The following GCH1 variants were observed in gnomAD, a reference collection of about 807,000 sequenced individuals.
GCH1 encodes GTP cyclohydrolase 1.
A neutral mutation model predicts 25.9 loss-of-function variants in GCH1; 5 were observed. The observed-to-expected ratio is 0.19, with a 90% CI of 0.10 to 0.41. The LOEUF (loss-of-function observed/expected upper bound fraction) is 0.41, where lower values mean the gene tolerates loss of function less well. GCH1 is among the 10% of genes least tolerant of loss of function. GCH1 has a pLI of 1.00. For missense variants in GCH1, 261 were observed against 336.5 expected, an observed-to-expected ratio of 0.78 and a Z score of 1.75; for synonymous variants, 159 against 129.6, an observed-to-expected ratio of 1.23 and a Z score of -1.54.
chr14:54,850,334 CAG>C (rs2039709217), intron 3 of GCH1, among the ~76,000 whole-genome samples: 2 of 133,840 alleles, frequency 1.5e-5, no homozygotes, highest in East Asian at 2.2e-4. Flanking sequence ...TCCCCCGAGA[CAG>C]AGTCTCCCTC....
Position 54,843,047 on chromosome 14 carries a change from C to G in GCH1, c.*970G>C, listed in dbSNP as rs1566658077. ...GTTCAGGTGCGTGGAAGCTATGGTTCTGCAGACCTGAAAATGATGGGCACT... is the reference window on the plus strand; with the variant it reads ...GTTCAGGTGCGTGGAAGCTATGGTTGTGCAGACCTGAAAATGATGGGCACT... On this transcript the variant is annotated 3_prime_UTR_variant, in exon 6 of 6. Transcript: ENST00000491895. The G allele has an allele frequency of 2.0e-6, 2 of 997,770 alleles. No homozygotes were observed. Among genetic ancestry groups the G allele is most frequent in the Non-Finnish European group, 3.2e-6 (2 of 618,516 alleles). 61.8% of individuals were successfully genotyped at this position (997,770 alleles called of 1,614,324 possible). A position where few individuals can be genotyped will look rare whatever the true frequency, so the allele number is the denominator to read the frequency against.
intron 1 of GCH1, among the ~76,000 whole-genome samples, chr14:54,875,895 A>G (rs373110869): frequency 2.0e-5 from 3 of 152,322 alleles, no homozygotes; most frequent in East Asian, 1.9e-4. Flanking sequence ...TTACACTGTT[A>G]GTGGGACTGT....
chr14:54,872,072 A>C (rs2040087484), intron 1 of GCH1, among the ~76,000 whole-genome samples: 1 of 152,192 alleles, frequency 6.6e-6, no homozygotes, highest in Non-Finnish European at 1.5e-5. Context: ...GAAATGAAGG[A>C]AAAAATGTTA....
At chr14:54,846,142 A>T (rs1566659894) in intron 4 of GCH1, among the ~76,000 whole-genome samples, 1 of 152,228 alleles carries the variant, frequency 6.6e-6, no homozygotes, top group Non-Finnish European at 1.5e-5. Flanking sequence ...CTGTGCAGTT[A>T]GAACAACACA....
rs1301478377 is a variant in GCH1, at chr14:54,894,450, G to T, written c.343+7871C>A. ...TGGTTCTGCTGACCCCTTGATTTTG[G>T]AACTTTAGTCTCTAGAACTGTGAGA... On this transcript the variant is annotated intron_variant, in intron 1 of 5. Coordinates refer to ENST00000491895, the MANE Select transcript of GCH1 (RefSeq NM_000161.3). Among the ~76,000 whole-genome samples the T allele has an allele frequency of 3.3e-5, 5 of 152,010 alleles. No individual in the cohort carries two copies. In the East Asian group the frequency reaches 9.6e-4, roughly 29 times the overall value.
chr14:54,868,853 GCC>G (rs1272327679), intron 1 of GCH1, among the ~76,000 whole-genome samples: 1 of 152,050 alleles, frequency 6.6e-6, no homozygotes, highest in Non-Finnish European at 1.5e-5. Context: ...ACCCGCCTCA[GCC>G]TCCCAAAGTG....
chr14:54,893,988 T>C (rs1405651705), intron 1 of GCH1, among the ~76,000 whole-genome samples: 3 of 152,216 alleles, frequency 2.0e-5, no homozygotes, highest in African/African-American at 7.2e-5. Flanking sequence ...AGGCAGGAAC[T>C]ATACCTGGTT....
chr14:54,897,164 C>A (rs1407470542), intron 1 of GCH1, among the ~76,000 whole-genome samples: 1 of 151,024 alleles, frequency 6.6e-6, no homozygotes, highest in Non-Finnish European at 1.5e-5. Context: ...CACGCACCAC[C>A]ACACCCAGCT....
Position 54,880,812 on chromosome 14 carries a change from T to TATATATATATATATATACTCC in GCH1, c.344-15377_344-15376insGGAGTATATATATATATATAT, listed in dbSNP as rs1236716572. Among the ~76,000 whole-genome samples, 23 of 82,794 alleles carry TATATATATATATATATACTCC rather than the reference T, an allele frequency of 2.8e-4. 1 individual carries two copies. Among genetic ancestry groups the TATATATATATATATATACTCC allele is most frequent in the Non-Finnish European group, 4.7e-4 (22 of 47,282 alleles). The allele number at this position is 82,794 out of a possible 152,430, so 54.3% of individuals were successfully genotyped here. A position where few individuals can be genotyped will look rare whatever the true frequency, so the allele number is the denominator to read the frequency against. ...ACTCCATATATATATATATACTCCA[T>TATATATATATATATATACTCC]ATATATATATATATACTCCATATAT... On this transcript the variant is annotated intron_variant, in intron 1 of 5. Transcript: ENST00000491895.
intron 3 of GCH1, among the ~76,000 whole-genome samples, chr14:54,851,374 G>T (rs553146380): frequency 6.6e-6 from 1 of 152,150 alleles, no homozygotes. Context: ...TGACAAATGG[G>T]ATCTAATTAA....
chr14:54,860,998 G>A (rs2039888505), intron 2 of GCH1, among the ~76,000 whole-genome samples: 1 of 152,124 alleles, frequency 6.6e-6, no homozygotes, highest in South Asian at 2.1e-4. Context: ...TACTCTTTTG[G>A]GGCCAAATAC....
At chr14:54,900,289 A>T (rs1478900565) in intron 1 of GCH1, among the ~76,000 whole-genome samples, 1 of 151,752 alleles carries the variant, frequency 6.6e-6, no homozygotes, top group East Asian at 1.9e-4. Context: ...GGCTCACTGC[A>T]ACCTCCTCCT....
chr14:54,880,452 TAAATATATACTCC>T, intron 1 of GCH1, among the ~76,000 whole-genome samples: 1 of 118,110 alleles, frequency 8.5e-6, no homozygotes, highest in East Asian at 2.8e-4. Flanking sequence ...ATACTCCATA[TAAATATATACTCC>T]ATATATATAT....
chr14:54,854,067 G>A (rs2878168), intron 3 of GCH1, among the ~76,000 whole-genome samples: 41,336 of 151,982 alleles, frequency 0.27, 6,215 homozygotes, highest in African/African-American at 0.39. Flanking sequence ...GTTACATATC[G>A]TCTCATTCCT....
intron 1 of GCH1, chr14:54,884,861 G>C (rs67620272): frequency 0.21 from 32,721 of 153,034 alleles, 3,627 homozygotes; most frequent in African/African-American, 0.25. Flanking sequence ...CAGTTGCTTG[G>C]AGATTTTGTA....
intron 1 of GCH1, among the ~76,000 whole-genome samples, chr14:54,869,539 G>T: frequency 6.6e-6 from 1 of 152,112 alleles, no homozygotes; most frequent in Non-Finnish European, 1.5e-5. Context: ...GGAGTGCAAT[G>T]GCACAATCTC....
chr14:54,900,202 T>G (rs2040543910), intron 1 of GCH1, among the ~76,000 whole-genome samples: 1 of 149,196 alleles, frequency 6.7e-6, no homozygotes, highest in African/African-American at 2.5e-5. Context: ...ACCAGAACAG[T>G]TTTTTTGTTT....
intron 1 of GCH1, among the ~76,000 whole-genome samples, chr14:54,883,325 T>G (rs2040298312): frequency 7.3e-6 from 1 of 136,908 alleles, no homozygotes; most frequent in Non-Finnish European, 1.5e-5. Flanking sequence ...TGAGCAGAGA[T>G]TGCGCCGCTG....
chr14:54,863,251 C>G (rs1362332522), intron 2 of GCH1, among the ~76,000 whole-genome samples: 1 of 151,500 alleles, frequency 6.6e-6, no homozygotes, highest in East Asian at 1.9e-4. Context: ...AACCCCTTCT[C>G]TACTAAAAAT....
Sources: allele counts gnomAD v4.1 joint callset (sites outside exome capture counted in the v4.1 genomes callset), GRCh38; gene constraint gnomAD v4.1.1; transcripts MANE v1.5; gene names NCBI Gene and HGNC (gene_info 2026-07-23, HGNC 2026-07-21).